SLC30A9: variants seen among roughly 807,000 people sequenced by gnomAD.
SLC30A9 encodes the protein solute carrier family 30 member 9.
In SLC30A9, 58 loss-of-function variants were observed where a neutral mutation model predicts 87.5. The observed-to-expected ratio is 0.66, with a 90% CI of 0.54 to 0.82. The LOEUF is 0.82. SLC30A9 is among the 40% of genes least tolerant of loss of function. The pLI, the probability that SLC30A9 is intolerant of heterozygous loss-of-function variation, is 0.00. For synonymous variants in SLC30A9, 234 were observed against 233.0 expected (o/e 1.00, Z -0.04); for missense variants, 557 against 679.1 (o/e 0.82, Z 2.00).
At chr4:41,993,271 A>G (rs74795820) in intron 1 of SLC30A9, among the ~76,000 whole-genome samples, 2,603 of 152,056 alleles carry the variant, frequency 0.017, 36 homozygotes, top group South Asian at 0.022. Flanking sequence ...GAAGTATTTT[A>G]CATCATCTTT....
chr4:42,057,899 C>T (rs772184352), intron 9 of SLC30A9, among the ~76,000 whole-genome samples: 6 of 151,796 alleles, frequency 4.0e-5, no homozygotes, highest in Non-Finnish European at 4.4e-5. Context: ...GTGAAGAAAT[C>T]GAGACCATCC....
chr4:42,080,733 C>T (rs2153141456), intron 17 of SLC30A9, among the ~76,000 whole-genome samples: 1 of 152,256 alleles, frequency 6.6e-6, no homozygotes, highest in East Asian at 1.9e-4. Flanking sequence ...AATTCCCTCC[C>T]GGTTATGGAG....
chr4:42,058,951 A>G (rs1377736736), intron 9 of SLC30A9, among the ~76,000 whole-genome samples: 5 of 152,182 alleles, frequency 3.3e-5, no homozygotes, highest in Admixed American at 3.3e-4. Flanking sequence ...TCCCTGAAAA[A>G]TCATGTATAT....
chr4:42,016,945 G>A (rs79253977), intron 2 of SLC30A9, among the ~76,000 whole-genome samples: 393 of 152,216 alleles, frequency 2.6e-3, no homozygotes, highest in Non-Finnish European at 3.7e-3. Flanking sequence ...GTTTCTTGAA[G>A]CCAAATATAT....
chr4:42,031,941 T>TA (rs1287640201), intron 6 of SLC30A9, among the ~76,000 whole-genome samples: 4 of 152,174 alleles, frequency 2.6e-5, no homozygotes, highest in African/African-American at 9.7e-5. Flanking sequence ...CTGGGTGATT[T>TA]ATAAAGAAAA....
intron 1 of SLC30A9, among the ~76,000 whole-genome samples, chr4:41,995,623 A>G (rs1714666474): frequency 1.3e-5 from 2 of 152,242 alleles, no homozygotes; most frequent in Admixed American, 6.5e-5. Flanking sequence ...GGCATGAAAG[A>G]TGAAAATGAG....
chr4:42,065,282 A>T (rs200353331), intron 11 of SLC30A9, 28 bp from the exon 12 acceptor site: 1 of 1,107,404 alleles, frequency 9.0e-7, no homozygotes, highest in Non-Finnish European at 1.4e-6. Context: ...TACTTAATTT[A>T]TGCTTTATTT....
chr4:42,040,007 C>A (rs1029768055), intron 8 of SLC30A9, among the ~76,000 whole-genome samples: 1 of 152,044 alleles, frequency 6.6e-6, no homozygotes, highest in African/African-American at 2.4e-5. Flanking sequence ...ATAATACAGA[C>A]AAGGAATAAT....
chr4:42,000,915 C>T (rs1714956674), intron 1 of SLC30A9, among the ~76,000 whole-genome samples: 1 of 151,924 alleles, frequency 6.6e-6, no homozygotes, highest in Admixed American at 6.5e-5. Flanking sequence ...GAGGAATTAT[C>T]AGTACTCATG....
At chr4:42,000,318 G>C (rs1470755792) in intron 1 of SLC30A9, among the ~76,000 whole-genome samples, 3 of 152,100 alleles carry the variant, frequency 2.0e-5, no homozygotes. Context: ...CAGAACACCA[G>C]TGGCCAGGAT....
At chr4:42,023,686 G>A (rs1358408980) in intron 6 of SLC30A9, among the ~76,000 whole-genome samples, 1 of 152,138 alleles carries the variant, frequency 6.6e-6, no homozygotes, top group Non-Finnish European at 1.5e-5. Context: ...AAAAGTGATA[G>A]AATAGGAAGT....
At chr4:42,077,874 G>A (rs191753897) in intron 16 of SLC30A9, among the ~76,000 whole-genome samples, 3 of 151,300 alleles carry the variant, frequency 2.0e-5, no homozygotes, top group Admixed American at 2.0e-4. Flanking sequence ...TTTGTGGTTT[G>A]TTTTTTACCC....
intron 2 of SLC30A9, among the ~76,000 whole-genome samples, chr4:42,003,668 C>T (rs1480995480): frequency 6.6e-6 from 1 of 152,126 alleles, no homozygotes; most frequent in Non-Finnish European, 1.5e-5. Flanking sequence ...GAAGTTTAGG[C>T]AGTGTGCATT....
chr4:42,084,949 C>T (rs1718871711), intron 17 of SLC30A9, among the ~76,000 whole-genome samples: 2 of 152,192 alleles, frequency 1.3e-5, no homozygotes, highest in South Asian at 4.1e-4. Context: ...CACTTCAATG[C>T]CTGGCACAGA....
rs1444771875 is a variant in SLC30A9, at chr4:42,066,597, A to G, written c.1120A>G (p.Lys374Glu). 1.2e-5 allele frequency: 20 copies of G among 1,607,878 alleles called. No individual in the cohort carries two copies. Among genetic ancestry groups the G allele is most frequent in the Non-Finnish European group, 1.7e-5 (20 of 1,176,162 alleles). Residue 374 changes from lysine (K) to glutamate (E), a missense_variant, in exon 13 of 18, where the codon AAA becomes GAA. Physicochemically the swap from Lys to Glu is moderately conservative, Grantham distance 56 (BLOSUM62 1). This residue lies in a region of SLC30A9 where 467 missense variants were observed against 529.8 expected (regional missense o/e 0.88). Coordinates refer to ENST00000264451, the MANE Select transcript of SLC30A9 (RefSeq NM_006345.4). The part of the protein sequence containing the change: ...VNELRRNARA[K>E]GMSFYKYVME... ...TGAACTTCGTAGGAATGCTCGGGCT[A>G]AAGGAATGTCATTTTACAAGTATGG...
chr4:42,020,700 GC>G, intron 4 of SLC30A9, 185 bp downstream of exon 4: 1 of 456,634 alleles, frequency 2.2e-6, no homozygotes, highest in South Asian at 4.1e-5. Context: ...ACTGAATCCT[GC>G]CCCAGCATTA....
At chr4:42,067,340 A>C in intron 14 of SLC30A9, 148 bp downstream of exon 14, 1 of 578,552 alleles carries the variant, frequency 1.7e-6, no homozygotes, top group Non-Finnish European at 3.1e-6. Context: ...TATGTAAGAC[A>C]TTTGGTCAGC....
At chr4:42,001,419 T>C (rs2153132904) in intron 1 of SLC30A9, among the ~76,000 whole-genome samples, 197 bp from the exon 2 acceptor site, 1 of 152,130 alleles carries the variant, frequency 6.6e-6, no homozygotes, top group East Asian at 1.9e-4. Flanking sequence ...TTTTATTTGA[T>C]TTTTTATATT....
intron 3 of SLC30A9, 98 bp from the exon 4 acceptor site, chr4:42,020,318 A>G: frequency 1.7e-6 from 1 of 575,492 alleles, no homozygotes. Flanking sequence ...GTTTTCTGTG[A>G]AATTCATTAG....
Sources: gnomAD v4.1 joint callset for allele counts (sites outside exome capture counted in the v4.1 genomes callset) on GRCh38, gnomAD v4.1.1 for gene constraint, gnomAD v4.1.1 regional missense constraint, MANE v1.5 for transcripts, NCBI Gene and HGNC (gene_info 2026-07-23, HGNC 2026-07-21) for gene names.